GRTP1: variants seen among roughly 807,000 people sequenced by gnomAD.
The protein encoded by GRTP1 is growth hormone-regulated TBC protein 1.
Under a neutral mutation model 38.1 loss-of-function variants are expected in GRTP1, and 56 were observed. The ratio of observed to expected loss-of-function variants is 1.47; its 90% CI spans 1.19 to 1.84. GRTP1 has a LOEUF of 1.84. Among genes scored for constraint, GRTP1 ranks in the 40% most tolerant of loss-of-function variants. The pLI, the probability that GRTP1 is intolerant of heterozygous loss-of-function variation, is 0.00. For synonymous variants in GRTP1, 217 were observed against 189.5 expected, an observed-to-expected ratio of 1.14 and a Z score of -1.19; for missense variants, 506 against 453.9, an observed-to-expected ratio of 1.11 and a Z score of -1.04.
intron 5 of GRTP1, among the ~76,000 whole-genome samples, chr13:113,330,490 G>A (rs1319113501): frequency 4.5e-4 from 19 of 42,278 alleles, no homozygotes; most frequent in East Asian, 9.7e-4. Context: ...GTGCATGGGA[G>A]CCCAGGTGTG....
In GRTP1 at chr13:113,359,708, C is replaced by G. The variant is rs527344724; in HGVS notation, c.181+4054G>C. The G allele has an allele frequency of 2.6e-5, 4 of 152,290 alleles. No individual in the cohort carries two copies. In the South Asian group the frequency reaches 8.3e-4, roughly 32 times the overall value. 9.4% of individuals were successfully genotyped at this position (152,290 alleles called of 1,614,324 possible). A position where few individuals can be genotyped will look rare whatever the true frequency, so the allele number is the denominator to read the frequency against. On this transcript the variant is annotated intron_variant, in intron 2 of 7. Coordinates refer to ENST00000375431, the MANE Select transcript of GRTP1 (RefSeq NM_024719.4). ...CCTGAGCGTGCCTTGGTTTCCTCAT[C>G]GTAAAGTGAACAGAAGGCACCGAGC...
chr13:113,359,959 C>G (rs2043465463), intron 2 of GRTP1: 3 of 152,168 alleles, frequency 2.0e-5, no homozygotes, highest in Admixed American at 1.3e-4. Context: ...AATATCAAGT[C>G]AAAACAGTTG....
In GRTP1 at chr13:113,346,104, G is replaced by A. The variant is rs369995929; in HGVS notation, c.466-1145C>T. ...CAGACCTGGGAAGACATCTGTGGCC[G>A]AGAACAGACCCGGGAGGACCTCTGT... On this transcript the variant is annotated intron_variant, in intron 4 of 7. Coordinates refer to ENST00000375431, the MANE Select transcript of GRTP1 (RefSeq NM_024719.4). 2.5e-4 allele frequency among the ~76,000 whole-genome samples: 20 copies of A among 80,592 alleles called. 2 individuals are homozygous for A. The highest frequency in any genetic ancestry group is 6.5e-4 in the African/African-American group (11 of 16,810). The allele number at this position is 80,592 out of a possible 152,430, so 52.9% of individuals were successfully genotyped here.
intron 4 of GRTP1, among the ~76,000 whole-genome samples, chr13:113,345,914 T>C (rs1026550828): frequency 4.0e-5 from 6 of 151,516 alleles, no homozygotes; most frequent in African/African-American, 1.5e-4. Context: ...AAGAACCGAC[T>C]GCTTCGAGCT....
intron 2 of GRTP1, among the ~76,000 whole-genome samples, chr13:113,363,191 G>A (rs1451200525): frequency 6.6e-6 from 1 of 152,162 alleles, no homozygotes; most frequent in Non-Finnish European, 1.5e-5. Context: ...GCGGAGGAGC[G>A]GCAGGTCGAG....
At chr13:113,356,807 C>T (rs1242934382) in intron 2 of GRTP1, among the ~76,000 whole-genome samples, 5 of 152,086 alleles carry the variant, frequency 3.3e-5, no homozygotes, top group Non-Finnish European at 2.9e-5. Flanking sequence ...CATCTGGACA[C>T]GAGCAGATGA....
intron 5 of GRTP1, among the ~76,000 whole-genome samples, chr13:113,333,575 G>C (rs1402919469): frequency 2.0e-5 from 3 of 152,058 alleles, no homozygotes; most frequent in African/African-American, 7.2e-5. Flanking sequence ...CGTGATCTCG[G>C]CTCACTGCAA....
chr13:113,330,644 ATGGGAGC>A (rs2042851843), intron 5 of GRTP1, among the ~76,000 whole-genome samples: 8 of 130,054 alleles, frequency 6.2e-5, no homozygotes, highest in East Asian at 2.6e-4. Context: ...AGGTGTGTGC[ATGGGAGC>A]CCAGGTGTGT....
chr13:113,333,840 T>TTAATTTATTTATTTA (rs5806977), intron 5 of GRTP1, among the ~76,000 whole-genome samples: 3 of 94,736 alleles, frequency 3.2e-5, no homozygotes, highest in African/African-American at 1.2e-4. Flanking sequence ...ATTTATTTAG[T>TTAATTTATTTATTTA]GTGTGTGTGT....
intron 4 of GRTP1, among the ~76,000 whole-genome samples, chr13:113,350,388 G>A (rs1206314958): frequency 4.0e-5 from 6 of 151,824 alleles, no homozygotes; most frequent in African/African-American, 1.2e-4. Context: ...CTCAGAGGAC[G>A]ACACACACCT....
chr13:113,345,374 C>T lies in GRTP1; in HGVS notation c.466-415G>A, dbSNP rs141567235. On this transcript the variant is annotated intron_variant, in intron 4 of 7. Coordinates refer to ENST00000375431, the MANE Select transcript of GRTP1 (RefSeq NM_024719.4). ...ACCGTAAGGAACATGTGCTGACACG[C>T]GGGTGTTAGGAGAATTTCGTGGTGG... 2.0e-4 allele frequency among the ~76,000 whole-genome samples: 31 copies of T among 152,310 alleles called. 1 individual carries two copies. Among genetic ancestry groups the T allele is most frequent in the East Asian group, 1.2e-3 (6 of 5,184 alleles).
rs1555313487 is a variant in GRTP1, at chr13:113,326,390, G to GGT, written c.563-300_563-299insAC. ...AGGGTGGCGCGGTGGGGGGGGGGGGGGCGGGAGCGTGGCTCACACCTGTAA... is the reference window on the plus strand; with the variant it reads ...AGGGTGGCGCGGTGGGGGGGGGGGGGGTGCGGGAGCGTGGCTCACACCTGTAA... On this transcript the variant is annotated intron_variant, in intron 5 of 7. Transcript: ENST00000375431. Among the ~76,000 whole-genome samples, 81 of 80,638 alleles carry GGT rather than the reference G, an allele frequency of 1.0e-3. 2 individuals are homozygous for GGT. The highest frequency in any genetic ancestry group is 6.4e-3 in the African/African-American group (79 of 12,308). The allele number at this position is 80,638 out of a possible 152,430, so 52.9% of individuals were successfully genotyped here.
Position 113,350,948 on chromosome 13 carries a change from G to A in GRTP1, c.366C>T (p.Asn122=), listed in dbSNP as rs775595193. ...RTDLNRTFPD[N]VKFRKTTDPC... is the part of the protein sequence containing the mutation. ...GGTCCGTGGTCTTCCGGAACTTCACGTTGTCGGGGAAGGTCCGGTTCAGGT... is the reference window on the plus strand; with the variant it reads ...GGTCCGTGGTCTTCCGGAACTTCACATTGTCGGGGAAGGTCCGGTTCAGGT... The change falls in exon 4 of 8, where the codon AAC becomes AAT. Residue 122 remains asparagine (N), a synonymous_variant. Coordinates refer to ENST00000375431, the MANE Select transcript of GRTP1 (RefSeq NM_024719.4). The A allele has an allele frequency of 7.4e-6, 12 of 1,613,658 alleles. No individual in the cohort carries two copies. Among genetic ancestry groups the A allele is most frequent in the South Asian group, 3.3e-5 (3 of 91,078 alleles).
At position 113,325,804 on chromosome 13, in the gene GRTP1, T is replaced by G; in HGVS notation, c.778A>C (p.Lys260Gln). The change falls in exon 7 of 8, where the codon AAG becomes CAG. Residue 260 changes from lysine to glutamine, a missense_variant. Coordinates refer to ENST00000375431, the MANE Select transcript of GRTP1 (RefSeq NM_024719.4). ...IWDCLFNEGS[K>Q]IIFRVALTLI... ...GTCAGGGCCACCCGGAAGATAATCT[T>G]CGAGCCTTCGTTAAACAAACAGTCC... is the stretch of plus-strand genomic sequence containing the variant. The G allele has an allele frequency of 6.2e-7, 1 of 1,614,126 alleles. No individual in the cohort carries two copies. The highest frequency in any genetic ancestry group is 8.5e-7 in the Non-Finnish European group (1 of 1,179,996).
chr13:113,331,010 CCAGGTGTGTGCATTGGAGCA>C (rs1322442279), intron 5 of GRTP1, among the ~76,000 whole-genome samples: 4 of 150,060 alleles, frequency 2.7e-5, no homozygotes, highest in Non-Finnish European at 1.5e-5. Flanking sequence ...GCATGGAAAG[CCAGGTGTGTGCATTGGAGCA>C]CAGGTGTGTG....
chr13:113,325,963 A>G lies in GRTP1; in HGVS notation c.691T>C (p.Ser231Pro). 1 of 1,613,720 alleles carries G rather than the reference A, an allele frequency of 6.2e-7. No homozygotes were observed. Among genetic ancestry groups the G allele is most frequent in the African/African-American group, 1.3e-5 (1 of 74,938 alleles). The change falls in exon 6 of 8, where the codon TCC (serine) becomes CCC (proline). Residue 231 changes from serine (S) to proline (P), a missense_variant. By Grantham distance (74) the Ser-to-Pro change is moderately conservative. Coordinates refer to ENST00000375431, the MANE Select transcript of GRTP1 (RefSeq NM_024719.4). Reference sequence around the variant, plus strand: ...ACAAACAGGCAGATGAACCAGCGGGACACCAGCAGCGTCCACAGCACACCG... The same window carrying G: ...ACAAACAGGCAGATGAACCAGCGGGGCACCAGCAGCGTCCACAGCACACCG... ...RLGVLWTLLVSRWFICLFVDI... is the reference protein window; with the variant it reads ...RLGVLWTLLVPRWFICLFVDI...
At chr13:113,361,197 T>TA (rs1402594807) in intron 2 of GRTP1, among the ~76,000 whole-genome samples, 1 of 113,466 alleles carries the variant, frequency 8.8e-6, no homozygotes, top group Non-Finnish European at 1.7e-5. Flanking sequence ...AAAGAGTTGA[T>TA]AGAGACCAAT....
chr13:113,362,188 G>A (rs1395995203), intron 2 of GRTP1, among the ~76,000 whole-genome samples: 1 of 137,496 alleles, frequency 7.3e-6, no homozygotes, highest in Non-Finnish European at 1.6e-5. Context: ...AAATTAGCCA[G>A]GTGTAGTGGT....
intron 5 of GRTP1, 99 bp downstream of exon 5, chr13:113,344,764 T>A: frequency 1.4e-6 from 1 of 698,074 alleles, no homozygotes; most frequent in Non-Finnish European, 2.3e-6. Flanking sequence ...CCCAAACAAT[T>A]CAACCATGTT....
Sources: gnomAD v4.1 joint callset for allele counts (sites outside exome capture counted in the v4.1 genomes callset) on GRCh38, gnomAD v4.1.1 for gene constraint, MANE v1.5 for transcripts, NCBI Gene and HGNC (gene_info 2026-07-23, HGNC 2026-07-21) for gene names.